The following SMARCC1 variants were observed in gnomAD, a reference collection of about 807,000 sequenced individuals.
The protein encoded by SMARCC1 is SWI/SNF related BAF chromatin remodeling complex subunit C1.
A neutral mutation model predicts 147.4 loss-of-function variants in SMARCC1; 43 were observed. The observed-to-expected ratio is 0.29, with a 90% CI of 0.23 to 0.38. SMARCC1 has a LOEUF of 0.38. SMARCC1 is among the 10% of genes least tolerant of loss of function. SMARCC1 has a pLI of 1.00. For missense variants in SMARCC1, 1,119 were observed against 1,381.1 expected, an observed-to-expected ratio of 0.81 and a Z score of 3.01; for synonymous variants, 495 against 484.4, an observed-to-expected ratio of 1.02 and a Z score of -0.29.
At chr3:47,734,370 TAA>T (rs1313280483) in intron 5 of SMARCC1, among the ~76,000 whole-genome samples, 3 of 152,294 alleles carry the variant, frequency 2.0e-5, no homozygotes, top group East Asian at 1.9e-4. Flanking sequence ...ATGTCATATA[TAA>T]GAGGAAGAAT....
chr3:47,677,968 CTG>C (rs1334067679), intron 16 of SMARCC1, among the ~76,000 whole-genome samples: 2 of 151,948 alleles, frequency 1.3e-5, no homozygotes, highest in East Asian at 3.9e-4. Context: ...CTTGGCAACA[CTG>C]TGAAACCCCA....
At position 47,684,481 on chromosome 3, in the gene SMARCC1, C is replaced by T. The variant is rs1168350668; in HGVS notation, c.1385+1568G>A. Among the ~76,000 whole-genome samples, 10 of 150,230 alleles carry T rather than the reference C, an allele frequency of 6.7e-5. No individual in the cohort carries two copies. The South Asian group carries it at 2.1e-3, about 32-fold the overall frequency. On this transcript the variant is annotated intron_variant, in intron 14 of 27. Transcript: ENST00000254480. ...GGGAGACAGAGTATTGCTCTTGTAGCCCAGGCTGGAGTACAATGGCTTGAT... is the reference window on the plus strand; with the variant it reads ...GGGAGACAGAGTATTGCTCTTGTAGTCCAGGCTGGAGTACAATGGCTTGAT...
intron 26 of SMARCC1, among the ~76,000 whole-genome samples, chr3:47,605,995 T>TAAAAAAAAAAA (rs141367577): frequency 7.6e-6 from 1 of 131,166 alleles, no homozygotes; most frequent in Non-Finnish European, 1.6e-5. Flanking sequence ...ATAAAGGAAG[T>TAAAAAAAAAAA]AAAAAAAAAA....
intron 8 of SMARCC1, among the ~76,000 whole-genome samples, chr3:47,712,189 G>C (rs1312053733): frequency 6.6e-6 from 1 of 152,046 alleles, no homozygotes; most frequent in Non-Finnish European, 1.5e-5. Context: ...CCAAGATCAC[G>C]CCATTGCACT....
In SMARCC1 at chr3:47,688,057, C is replaced by T. The variant is rs543889448; in HGVS notation, c.1263+1330G>A. Among the ~76,000 whole-genome samples the T allele has an allele frequency of 1.7e-3, 263 of 152,132 alleles. 1 individual carries two copies. The highest frequency in any genetic ancestry group is 1.4e-3 in the Non-Finnish European group (93 of 68,012). The stretch of plus-strand genomic sequence containing the variant: ...GGTGGATCACCTAAGGTCGGGAGTT[C>T]GAGACCAGCCTGACCAACATGGTGA... On this transcript the variant is annotated intron_variant, in intron 13 of 27. Coordinates refer to ENST00000254480, the MANE Select transcript of SMARCC1 (RefSeq NM_003074.4).
At chr3:47,597,122 G>A (rs1179423847) in intron 26 of SMARCC1, among the ~76,000 whole-genome samples, 2 of 148,786 alleles carry the variant, frequency 1.3e-5, no homozygotes, top group Non-Finnish European at 3.0e-5. Flanking sequence ...CTGCACTCTA[G>A]CCTGGGCGAC....
intron 2 of SMARCC1, among the ~76,000 whole-genome samples, chr3:47,752,109 C>G (rs1194317959): frequency 6.6e-6 from 1 of 152,060 alleles, no homozygotes; most frequent in South Asian, 2.1e-4. Context: ...AACAACAAAC[C>G]TCTACAGATG....
chr3:47,695,255 G>T (rs1304802336), intron 11 of SMARCC1, among the ~76,000 whole-genome samples: 1 of 152,202 alleles, frequency 6.6e-6, no homozygotes, highest in Non-Finnish European at 1.5e-5. Context: ...AAACGCTTGA[G>T]CCTAGGAGGT....
At chr3:47,746,247 A>G in intron 2 of SMARCC1, 1 of 315,534 alleles carries the variant, frequency 3.2e-6, no homozygotes, top group Non-Finnish European at 5.7e-6. Context: ...CCAGGAGTTC[A>G]AGACCAGTCT....
chr3:47,661,490 C>T, intron 20 of SMARCC1, 35 bp from the exon 21 acceptor site: 6 of 1,571,222 alleles, frequency 3.8e-6, no homozygotes, highest in Non-Finnish European at 5.2e-6. Context: ...AGCAATCTAA[C>T]TTTGCACAAA....
chr3:47,596,607 G>A (rs960801369), intron 26 of SMARCC1, among the ~76,000 whole-genome samples: 5 of 151,258 alleles, frequency 3.3e-5, no homozygotes, highest in South Asian at 2.1e-4. Flanking sequence ...AGAAGAAGAA[G>A]AAAAAAGATG....
chr3:47,662,132 C>T (rs1334555506), intron 20 of SMARCC1, among the ~76,000 whole-genome samples: 1 of 152,046 alleles, frequency 6.6e-6, no homozygotes, highest in African/African-American at 2.4e-5. Flanking sequence ...GTAGCTGGGA[C>T]TATAGGCATG....
chr3:47,684,281 AACTATGCTCGAAGCATGCC>A (rs1386037986), intron 14 of SMARCC1, among the ~76,000 whole-genome samples: 1 of 151,364 alleles, frequency 6.6e-6, no homozygotes, highest in Non-Finnish European at 1.5e-5. Flanking sequence ...AGTTACATCC[AACTATGCTCGAAGCATGCC>A]ACAGTGCTTG....
At chr3:47,652,245 C>T (rs945719723) in intron 21 of SMARCC1, among the ~76,000 whole-genome samples, 3 of 152,214 alleles carry the variant, frequency 2.0e-5, no homozygotes, top group Middle Eastern at 3.4e-3. Context: ...GTTGGGATTA[C>T]GAGCATAAGC....
intron 19 of SMARCC1, 59 bp from the exon 20 acceptor site, chr3:47,662,651 T>C (rs538102496): frequency 7.0e-7 from 1 of 1,432,918 alleles, no homozygotes; most frequent in Admixed American, 2.0e-5. Flanking sequence ...TGTGTAATAT[T>C]AGAAGTTCTT....
At position 47,772,859 on chromosome 3, in the gene SMARCC1, G is replaced by C. The variant is rs752117418; in HGVS notation, c.273C>G (p.Ala91=). Residue 91 remains alanine (A), a synonymous_variant, in exon 2 of 28, where the codon GCC becomes GCG. Transcript: ENST00000254480. ...VVQLLQFQED[A]FGKHVTNPAF... ...CCGGGTTGGTGACATGCTTCCCAAA[G>C]GCATCTTCCTGGAACTGAAGAAGCT... 1.2e-6 allele frequency: 2 copies of C among 1,613,144 alleles called. No individual in the cohort carries two copies. The highest frequency in any genetic ancestry group is 1.7e-6 in the Non-Finnish European group (2 of 1,179,436).
chr3:47,596,497 G>A (rs2032284261), intron 26 of SMARCC1, among the ~76,000 whole-genome samples: 1 of 151,668 alleles, frequency 6.6e-6, no homozygotes, highest in South Asian at 2.1e-4. Context: ...AACGTGGGAG[G>A]CGGAGGTTGC....
Position 47,726,061 on chromosome 3 carries a change from C to CAAAAAAAAAAAAAAAAAAA in SMARCC1, c.646+2945_646+2963dup, listed in dbSNP as rs546659321. ...TGGGTAGAAGAGTGAGACTCTGTCT[C>CAAAAAAAAAAAAAAAAAAA]AAAAAAAAAAAAAAAAAAAAGGTGA... is the stretch of plus-strand genomic sequence containing the variant. On this transcript the variant is annotated intron_variant, in intron 6 of 27. Transcript: ENST00000254480. 4.3e-4 allele frequency among the ~76,000 whole-genome samples: 22 copies of CAAAAAAAAAAAAAAAAAAA among 50,782 alleles called. 4 individuals are homozygous for CAAAAAAAAAAAAAAAAAAA. The highest frequency in any genetic ancestry group is 4.8e-4 in the Non-Finnish European group (14 of 28,952). The allele number at this position is 50,782 out of a possible 152,430, so 33.3% of individuals were successfully genotyped here.
intron 15 of SMARCC1, chr3:47,680,158 A>T: frequency 3.5e-6 from 1 of 281,794 alleles, no homozygotes; most frequent in Non-Finnish European, 6.5e-6. Flanking sequence ...GGGGGCAGAG[A>T]TTTCTGTGAG....
Sources: gnomAD v4.1 joint callset for allele counts (sites outside exome capture counted in the v4.1 genomes callset) on GRCh38, gnomAD v4.1.1 for gene constraint, MANE v1.5 for transcripts, NCBI Gene and HGNC (gene_info 2026-07-23, HGNC 2026-07-21) for gene names.